Variants in TXNRD1 observed in about 807,000 individuals in gnomAD.
TXNRD1 encodes thioredoxin reductase 1, cytoplasmic.
Under a neutral mutation model 80.3 loss-of-function variants are expected in TXNRD1, and 57 were observed. The observed-to-expected ratio is 0.71, with a 90% CI of 0.57 to 0.89. TXNRD1 has a LOEUF of 0.89. Among genes scored for constraint, TXNRD1 ranks in the 40% least tolerant of loss-of-function variants. TXNRD1 has a pLI of 0.00. For synonymous variants in TXNRD1, 291 were observed against 285.2 expected (o/e 1.02, Z -0.20); for missense variants, 730 against 803.0 (o/e 0.91, Z 1.10).
At chr12:104,345,020 T>C (rs2036445951) in intron 16 of TXNRD1, among the ~76,000 whole-genome samples, 1 of 152,230 alleles carries the variant, frequency 6.6e-6, no homozygotes, top group Non-Finnish European at 1.5e-5. Flanking sequence ...CTGTGGGGAA[T>C]GTGATATTCT....
chr12:104,254,274 T>C (rs1438092509), intron 2 of TXNRD1, among the ~76,000 whole-genome samples: 1 of 152,174 alleles, frequency 6.6e-6, no homozygotes, highest in Non-Finnish European at 1.5e-5. Context: ...TCAGTGTTTG[T>C]TAAATAAAAG....
intron 5 of TXNRD1, among the ~76,000 whole-genome samples, chr12:104,312,294 G>T (rs150458847): frequency 1.6e-3 from 242 of 152,258 alleles, no homozygotes; most frequent in African/African-American, 5.1e-3. Flanking sequence ...AAATAAAGAA[G>T]GTTAGGAGTG....
chr12:104,314,933 G>A (rs1401499820), intron 6 of TXNRD1, among the ~76,000 whole-genome samples: 1 of 151,942 alleles, frequency 6.6e-6, no homozygotes, highest in African/African-American at 2.4e-5. Flanking sequence ...AGTAGAGACA[G>A]GGTTTCACCG....
chr12:104,275,202 C>A (rs1389595851), intron 3 of TXNRD1, among the ~76,000 whole-genome samples: 1 of 150,716 alleles, frequency 6.6e-6, no homozygotes, highest in East Asian at 2.0e-4. Flanking sequence ...CACTTGAACC[C>A]AGGAGGCAGA....
chr12:104,310,211 G>A (rs34851339), intron 4 of TXNRD1: 35,324 of 1,158,580 alleles, frequency 0.03, 1,199 homozygotes, highest in East Asian at 0.18. Flanking sequence ...GTGCAGTGGC[G>A]CAATCTTGGC....
chr12:104,308,292 G>A (rs890606595), intron 4 of TXNRD1, among the ~76,000 whole-genome samples: 2 of 152,082 alleles, frequency 1.3e-5, no homozygotes, highest in Admixed American at 6.6e-5. Flanking sequence ...ACCACGCCTC[G>A]CTGCCCTTTT....
At position 104,327,573 on chromosome 12, in the gene TXNRD1, A is replaced by G. The variant is rs574454350; in HGVS notation, c.1444A>G (p.Ile482Val). 3.3e-4 allele frequency: 531 copies of G among 1,613,732 alleles called. 4 individuals carry two copies. The South Asian group carries it at 5.3e-3, about 16-fold the overall frequency. The change falls in exon 13 of 17, where the codon ATT becomes GTT. Residue 482 changes from isoleucine (I) to valine (V), a missense_variant. Transcript: ENST00000525566. The stretch of plus-strand genomic sequence containing the variant: ...GACCAATGTGCCTTACATCTATGCC[A>G]TTGGCGATATATTGGAGGATAAGGT... ...EQTNVPYIYA[I>V]GDILEDKVEL...
Position 104,247,887 on chromosome 12 carries a change from G to T in TXNRD1, c.92-3640G>T, listed in dbSNP as rs183193693. ...GGCGTTATGGAATCAGGAGGCTTGT[G>T]TGACAGCTCTGACGCTGATACCAAT... On this transcript the variant is annotated intron_variant, in intron 1 of 16. Coordinates refer to ENST00000525566, the MANE Select transcript of TXNRD1 (RefSeq NM_001093771.3). Among the ~76,000 whole-genome samples the T allele has an allele frequency of 1.6e-3, 243 of 152,306 alleles. 1 individual carries two copies. The highest frequency in any genetic ancestry group is 5.4e-3 in the African/African-American group (225 of 41,558).
intron 3 of TXNRD1, among the ~76,000 whole-genome samples, chr12:104,267,846 CCTCT>C (rs769629671): frequency 2.1e-5 from 3 of 139,550 alleles, no homozygotes; most frequent in Admixed American, 7.4e-5. Context: ...CTCCTTCCTT[CCTCT>C]CTCTCTTTTT....
intron 12 of TXNRD1, 24 bp downstream of exon 12, chr12:104,326,447 T>A: frequency 1.7e-6 from 2 of 1,191,260 alleles, no homozygotes; most frequent in Non-Finnish European, 2.4e-6. Flanking sequence ...CTTTATTATG[T>A]CATATTTGTG....
intron 3 of TXNRD1, among the ~76,000 whole-genome samples, chr12:104,282,052 G>A (rs553275327): frequency 6.6e-6 from 1 of 152,276 alleles, no homozygotes; most frequent in East Asian, 1.9e-4. Flanking sequence ...TTTTTTATTT[G>A]GAAAGAAAGA....
intron 13 of TXNRD1, among the ~76,000 whole-genome samples, chr12:104,329,970 T>C (rs1228754760): frequency 6.6e-6 from 1 of 152,226 alleles, no homozygotes; most frequent in Non-Finnish European, 1.5e-5. Context: ...CACTGCCTCT[T>C]GGTCGATGTC....
chr12:104,274,819 G>A (rs1011094124), intron 3 of TXNRD1, among the ~76,000 whole-genome samples: 2 of 152,160 alleles, frequency 1.3e-5, no homozygotes, highest in African/African-American at 4.8e-5. Context: ...GGCTGGTGGT[G>A]AGGGTGGTTG....
chr12:104,249,912 G>A (rs2033079516), intron 1 of TXNRD1, among the ~76,000 whole-genome samples: 1 of 137,182 alleles, frequency 7.3e-6, no homozygotes, highest in South Asian at 2.4e-4. Context: ...CTCCAGCCTT[G>A]GCAACAGAGC....
intron 3 of TXNRD1, among the ~76,000 whole-genome samples, chr12:104,284,667 T>C (rs1427010294): frequency 6.6e-6 from 1 of 152,120 alleles, no homozygotes; most frequent in Non-Finnish European, 1.5e-5. Flanking sequence ...CCAAAGCTCT[T>C]GTAGAAGATT....
At chr12:104,275,366 A>G (rs992426456) in intron 3 of TXNRD1, among the ~76,000 whole-genome samples, 1 of 152,092 alleles carries the variant, frequency 6.6e-6, no homozygotes, top group Non-Finnish European at 1.5e-5. Flanking sequence ...GGAAAATGGC[A>G]TGCTTAGCCA....
At chr12:104,296,692 G>A (rs937659010) in intron 4 of TXNRD1, among the ~76,000 whole-genome samples, 9 of 152,222 alleles carry the variant, frequency 5.9e-5, no homozygotes, top group African/African-American at 2.2e-4. Flanking sequence ...GATCGTGGTA[G>A]GGCCAGAAGA....
At chr12:104,223,195 TCTA>T (rs1819321647) in intron 1 of TXNRD1, among the ~76,000 whole-genome samples, 3 of 152,236 alleles carry the variant, frequency 2.0e-5, no homozygotes, top group African/African-American at 7.2e-5. Flanking sequence ...CTGCCAAAAT[TCTA>T]CTTTTTCAAG....
At chr12:104,324,597 G>A (rs931642235) in intron 10 of TXNRD1, among the ~76,000 whole-genome samples, 7 of 151,296 alleles carry the variant, frequency 4.6e-5, no homozygotes, top group African/African-American at 1.5e-4. Context: ...TGATCCTCCC[G>A]CCTCGGCCTC....
Sources: gnomAD v4.1 joint callset for allele counts (sites outside exome capture counted in the v4.1 genomes callset) on GRCh38, gnomAD v4.1.1 for gene constraint, MANE v1.5 for transcripts, NCBI Gene and HGNC (gene_info 2026-07-23, HGNC 2026-07-21) for gene names.